The following VAT1L variants were observed in gnomAD, a reference collection of about 807,000 sequenced individuals.
VAT1L encodes putative NADPH-dependent quinone oxidoreductase VAT1L.
A neutral mutation model predicts 44.1 loss-of-function variants in VAT1L; 34 were observed. The ratio of observed to expected loss-of-function variants is 0.77; its 90% CI spans 0.59 to 1.03. The LOEUF (loss-of-function observed/expected upper bound fraction) is 1.03. Among genes scored for constraint, VAT1L ranks in the 50% least tolerant of loss-of-function variants. The pLI is 0.00. For missense variants in VAT1L, 615 were observed against 538.8 expected (o/e 1.14, Z -1.40); for synonymous variants, 253 against 202.2 (o/e 1.25, Z -2.13).
chr16:77,937,670 T>C (rs1431737757), intron 7 of VAT1L, among the ~76,000 whole-genome samples: 1 of 152,230 alleles, frequency 6.6e-6, no homozygotes, highest in South Asian at 2.1e-4. Context: ...CATCCCAGTA[T>C]GCACTCCTCC....
At chr16:77,802,238 G>A (rs2016070577) in intron 1 of VAT1L, among the ~76,000 whole-genome samples, 2 of 152,068 alleles carry the variant, frequency 1.3e-5, no homozygotes, top group Admixed American at 1.3e-4. Flanking sequence ...GTATCCTTAA[G>A]ATAGCTAGGC....
At chr16:77,944,156 A>G (rs1208609902) in intron 7 of VAT1L, among the ~76,000 whole-genome samples, 1 of 152,160 alleles carries the variant, frequency 6.6e-6, no homozygotes, top group Non-Finnish European at 1.5e-5. Flanking sequence ...ATTGTGCTAA[A>G]CATCTCAAGA....
rs565787397 is a variant in VAT1L, at chr16:77,836,602, G to C, written c.579+11141G>C. ...AGATATGTTGTGGAACGAGGGCCCC[G>C]CCTCCTTGCTCCCAGAAATCTCTAA... On this transcript the variant is annotated intron_variant, in intron 3 of 8. Coordinates refer to ENST00000302536, the MANE Select transcript of VAT1L (RefSeq NM_020927.3). 5.7e-4 allele frequency among the ~76,000 whole-genome samples: 87 copies of C among 152,214 alleles called. 1 individual carries two copies. The highest frequency in any genetic ancestry group is 2.1e-3 in the African/African-American group (86 of 41,526).
intron 4 of VAT1L, among the ~76,000 whole-genome samples, chr16:77,870,786 T>C (rs565774675): frequency 5.0e-4 from 76 of 152,318 alleles, no homozygotes; most frequent in African/African-American, 1.8e-3. Context: ...ATGCAGGCAG[T>C]GGTGAACACC....
At chr16:77,878,367 C>T (rs547868865) in intron 5 of VAT1L, among the ~76,000 whole-genome samples, 1 of 152,278 alleles carries the variant, frequency 6.6e-6, no homozygotes, top group African/African-American at 2.4e-5. Flanking sequence ...GAAGAAATTA[C>T]TCCAAAATCT....
intron 8 of VAT1L, among the ~76,000 whole-genome samples, chr16:77,976,414 GA>G (rs558257769): frequency 8.8e-4 from 134 of 152,306 alleles, no homozygotes; most frequent in South Asian, 1.2e-3. Context: ...GGGGGTAGAG[GA>G]ATGACATTCC....
chr16:77,789,928 G>A (rs542356694), intron 1 of VAT1L, among the ~76,000 whole-genome samples: 9 of 152,168 alleles, frequency 5.9e-5, no homozygotes, highest in Admixed American at 1.3e-4. Context: ...CACTAGGTTT[G>A]CATGTTAAAC....
At chr16:77,929,064 T>A (rs754494071) in intron 7 of VAT1L, among the ~76,000 whole-genome samples, 1 of 152,198 alleles carries the variant, frequency 6.6e-6, no homozygotes, top group Admixed American at 6.5e-5. Context: ...ATCCGCCCCC[T>A]TGGCCTCCCA....
intron 7 of VAT1L, among the ~76,000 whole-genome samples, chr16:77,966,443 G>C (rs1447052749): frequency 6.6e-6 from 1 of 151,972 alleles, no homozygotes; most frequent in African/African-American, 2.4e-5. Context: ...TCCAGGAGGG[G>C]ACCCAGGACG....
intron 7 of VAT1L, among the ~76,000 whole-genome samples, chr16:77,938,352 G>T (rs74025924): frequency 1.6e-3 from 248 of 152,238 alleles, no homozygotes; most frequent in African/African-American, 5.7e-3. Context: ...AAAACTGAAC[G>T]CTCTGTCAAA....
chr16:77,973,484 C>T (rs1025619557), intron 8 of VAT1L, among the ~76,000 whole-genome samples: 1 of 151,988 alleles, frequency 6.6e-6, no homozygotes, highest in African/African-American at 2.4e-5. Flanking sequence ...GGGGTTTTAC[C>T]ATGTGGGTCA....
intron 1 of VAT1L, among the ~76,000 whole-genome samples, chr16:77,793,303 G>T (rs1347717647): frequency 6.6e-6 from 1 of 151,974 alleles, no homozygotes; most frequent in Non-Finnish European, 1.5e-5. Context: ...ATTTTTTGTC[G>T]AGACAGAGTC....
intron 7 of VAT1L, among the ~76,000 whole-genome samples, chr16:77,938,739 T>C (rs985649028): frequency 1.3e-5 from 2 of 152,204 alleles, no homozygotes; most frequent in Non-Finnish European, 2.9e-5. Flanking sequence ...CAATTAAACC[T>C]CTTTTCTTTA....
At chr16:77,869,154 G>T (rs765145219) in intron 4 of VAT1L, among the ~76,000 whole-genome samples, 1 of 152,158 alleles carries the variant, frequency 6.6e-6, no homozygotes. Context: ...GAAGGGAGAG[G>T]CAGTGCCTAT....
At chr16:77,886,784 G>A (rs1253504146) in intron 7 of VAT1L, among the ~76,000 whole-genome samples, 1 of 152,238 alleles carries the variant, frequency 6.6e-6, no homozygotes, top group Non-Finnish European at 1.5e-5. Context: ...GAGTGGAGGG[G>A]GGAGACTTAG....
chr16:77,889,321 T>C (rs1386944730), intron 7 of VAT1L, among the ~76,000 whole-genome samples: 1 of 152,182 alleles, frequency 6.6e-6, no homozygotes, highest in African/African-American at 2.4e-5. Flanking sequence ...CAAAGCAGAG[T>C]GGGTCTACTG....
intron 7 of VAT1L, among the ~76,000 whole-genome samples, chr16:77,917,105 A>G (rs1432463197): frequency 2.6e-5 from 4 of 152,326 alleles, no homozygotes; most frequent in Non-Finnish European, 4.4e-5. Flanking sequence ...AGCCTCTGAA[A>G]TATAAGCTAG....
intron 4 of VAT1L, among the ~76,000 whole-genome samples, chr16:77,867,868 AAAAG>A (rs951622168): frequency 5.3e-5 from 8 of 151,912 alleles, no homozygotes; most frequent in South Asian, 2.1e-4. Context: ...AAAAAAAAAA[AAAAG>A]AAAGAAAGAA....
chr16:77,825,854 A>C (rs1234450686), intron 3 of VAT1L, among the ~76,000 whole-genome samples: 1 of 26,222 alleles, frequency 3.8e-5, no homozygotes, highest in Non-Finnish European at 9.3e-5. Context: ...GTCTCTACTA[A>C]AAATAAAAAA....
Sources: gnomAD v4.1 joint callset for allele counts (sites outside exome capture counted in the v4.1 genomes callset) on GRCh38, gnomAD v4.1.1 for gene constraint, MANE v1.5 for transcripts, NCBI Gene and HGNC (gene_info 2026-07-23, HGNC 2026-07-21) for gene names.